SUGCT: variants seen among roughly 807,000 people sequenced by gnomAD.
SUGCT encodes succinyl-CoA:glutarate-CoA transferase, also known as succinyl-CoA:glutarate CoA-transferase.
SUGCT carries 41 observed loss-of-function variants against 55.0 expected under a neutral mutation model. The observed-to-expected ratio is 0.74, with a 90% CI of 0.58 to 0.97. The LOEUF (loss-of-function observed/expected upper bound fraction) is 0.97. Among genes scored for constraint, SUGCT ranks in the 50% least tolerant of loss-of-function variants. The pLI, the probability that SUGCT is intolerant of heterozygous loss-of-function variation, is 0.00. For missense variants in SUGCT, 568 were observed against 547.8 expected (o/e 1.04, Z -0.37); for synonymous variants, 187 against 200.4 (o/e 0.93, Z 0.56).
chr7:40,997,229 C>T, the SUGCT span, among the ~76,000 whole-genome samples: 5 of 152,228 alleles, frequency 3.3e-5, no homozygotes, highest in Admixed American at 3.3e-4. Context: ...CCTCATCCTA[C>T]ACATCCATTA....
At chr7:40,349,603 T>G (rs1797506892) in intron 9 of SUGCT, among the ~76,000 whole-genome samples, 1 of 152,172 alleles carries the variant, frequency 6.6e-6, no homozygotes, top group East Asian at 1.9e-4. Flanking sequence ...TTATTCTCAG[T>G]TACAAAATAG....
the SUGCT span, among the ~76,000 whole-genome samples, chr7:41,008,665 C>T: frequency 1.3e-5 from 2 of 151,948 alleles, no homozygotes; most frequent in African/African-American, 4.8e-5. Flanking sequence ...GCTTGGGAGG[C>T]CTCTCGGTGG....
chr7:40,204,143 C>T (rs1008784580), intron 6 of SUGCT, among the ~76,000 whole-genome samples: 5 of 152,012 alleles, frequency 3.3e-5, no homozygotes, highest in Admixed American at 2.6e-4. Context: ...CATGCACCAC[C>T]ACAACTGGCT....
chr7:40,679,992 A>C (rs1195901176), intron 12 of SUGCT, among the ~76,000 whole-genome samples: 1 of 152,186 alleles, frequency 6.6e-6, no homozygotes, highest in Admixed American at 6.5e-5. Context: ...ATGGCCCTCC[A>C]TCCTAAATTA....
At chr7:40,466,072 A>G (rs1490581940) in intron 11 of SUGCT, among the ~76,000 whole-genome samples, 1 of 151,972 alleles carries the variant, frequency 6.6e-6, no homozygotes, top group Non-Finnish European at 1.5e-5. Context: ...TTTTTTTAAA[A>G]AGATAGTTGG....
intron 12 of SUGCT, among the ~76,000 whole-genome samples, chr7:40,639,095 G>A (rs967500703): frequency 6.6e-6 from 1 of 152,168 alleles, no homozygotes; most frequent in African/African-American, 2.4e-5. Context: ...GTTTTCTGTG[G>A]CATCTTGTGC....
chr7:40,438,361 A>T (rs1788287653), intron 9 of SUGCT, among the ~76,000 whole-genome samples: 1 of 152,050 alleles, frequency 6.6e-6, no homozygotes, highest in Admixed American at 6.6e-5. Flanking sequence ...GAAGTTCTTT[A>T]GTTTTGTCGT....
At chr7:40,919,077 A>G in the SUGCT span, among the ~76,000 whole-genome samples, 1 of 152,134 alleles carries the variant, frequency 6.6e-6, no homozygotes, top group Non-Finnish European at 1.5e-5. Context: ...CCTGAGTTTT[A>G]TCTTTCCTCT....
At chr7:40,807,291 G>A (rs957080053) in intron 13 of SUGCT, among the ~76,000 whole-genome samples, 1 of 152,168 alleles carries the variant, frequency 6.6e-6, no homozygotes, top group Non-Finnish European at 1.5e-5. Flanking sequence ...GTAAACAGGT[G>A]CCATGGTGGT....
At chr7:40,279,111 G>T (rs772436782) in intron 8 of SUGCT, among the ~76,000 whole-genome samples, 20 of 151,154 alleles carry the variant, frequency 1.3e-4, no homozygotes, top group Non-Finnish European at 2.1e-4. Context: ...TGTTGGTATT[G>T]CAGGTGTGAG....
At chr7:40,673,270 G>T (rs1802030361) in intron 12 of SUGCT, among the ~76,000 whole-genome samples, 1 of 151,822 alleles carries the variant, frequency 6.6e-6, no homozygotes, top group African/African-American at 2.4e-5. Context: ...TCTCATCTTT[G>T]CCCCTTAATC....
At chr7:40,506,182 A>G (rs1792581083) in intron 12 of SUGCT, among the ~76,000 whole-genome samples, 1 of 152,130 alleles carries the variant, frequency 6.6e-6, no homozygotes, top group African/African-American at 2.4e-5. Flanking sequence ...ATGTAAGTCT[A>G]TTAGCAATGT....
chr7:40,985,716 T>C, the SUGCT span, among the ~76,000 whole-genome samples: 3 of 152,246 alleles, frequency 2.0e-5, no homozygotes, highest in East Asian at 5.8e-4. Context: ...CCAAAAGTAT[T>C]TGGATTATGT....
At chr7:40,493,007 G>A (rs1791778953) in intron 11 of SUGCT, among the ~76,000 whole-genome samples, 1 of 152,166 alleles carries the variant, frequency 6.6e-6, no homozygotes, top group Admixed American at 6.5e-5. Flanking sequence ...TACGATAGAA[G>A]TGAAGAAGCA....
chr7:40,997,099 C>T, the SUGCT span, among the ~76,000 whole-genome samples: 334 of 152,302 alleles, frequency 2.2e-3, 5 homozygotes, highest in Non-Finnish European at 9.6e-4. Context: ...CCCAAGCCCT[C>T]ATGTGGTTTG....
At chr7:40,960,180 T>C in the SUGCT span, among the ~76,000 whole-genome samples, 1 of 152,236 alleles carries the variant, frequency 6.6e-6, no homozygotes, top group South Asian at 2.1e-4. Flanking sequence ...TTGCTTGTGA[T>C]GATCAATAGA....
intron 9 of SUGCT, among the ~76,000 whole-genome samples, chr7:40,399,719 A>G (rs894473586): frequency 6.6e-6 from 1 of 152,208 alleles, no homozygotes; most frequent in Non-Finnish European, 1.5e-5. Flanking sequence ...TCCAATCTGT[A>G]TGTCATTAAT....
intron 12 of SUGCT, among the ~76,000 whole-genome samples, chr7:40,634,697 A>C (rs888159096): frequency 6.6e-6 from 1 of 152,248 alleles, no homozygotes; most frequent in Non-Finnish European, 1.5e-5. Context: ...AGTGCACCCA[A>C]CAAATGGGAA....
At chr7:40,677,981 A>T (rs1296820500) in intron 12 of SUGCT, among the ~76,000 whole-genome samples, 1 of 152,066 alleles carries the variant, frequency 6.6e-6, no homozygotes, top group Non-Finnish European at 1.5e-5. Context: ...GGCCAGCTTG[A>T]CCTGGCTATT....
Sources: allele counts gnomAD v4.1 joint callset (sites outside exome capture counted in the v4.1 genomes callset), GRCh38; gene constraint gnomAD v4.1.1; transcripts MANE v1.5; gene names NCBI Gene and HGNC (gene_info 2026-07-23, HGNC 2026-07-21).